Variants in BRD10 observed in about 807,000 individuals in gnomAD.
The protein encoded by BRD10 is bromodomain containing 10, also known as uncharacterized bromodomain-containing protein 10.
the BRD10 span, chr9:5,921,868 G>T: frequency 6.2e-7 from 1 of 1,613,990 alleles, no homozygotes; most frequent in Non-Finnish European, 8.5e-7. Context: ...CACTGCCAGT[G>T]GTGTGGCCTA....
chr9:5,891,551 T>C, the BRD10 span, among the ~76,000 whole-genome samples: 1 of 152,136 alleles, frequency 6.6e-6, no homozygotes, highest in Non-Finnish European at 1.5e-5. Flanking sequence ...TATAATTCTA[T>C]GGGGATCACA....
chr9:5,974,494 G>T, the BRD10 span, among the ~76,000 whole-genome samples: 6 of 152,268 alleles, frequency 3.9e-5, no homozygotes, highest in East Asian at 1.2e-3. Flanking sequence ...AAAGAGATGA[G>T]GTGAGCCCAA....
At chr9:5,925,052 G>A in the BRD10 span, among the ~76,000 whole-genome samples, 1 of 152,022 alleles carries the variant, frequency 6.6e-6, no homozygotes, top group East Asian at 1.9e-4. Flanking sequence ...TAAGAAACTT[G>A]AAACTTAAAA....
chr9:5,969,339 T>C, the BRD10 span: 4 of 1,613,202 alleles, frequency 2.5e-6, no homozygotes, highest in Non-Finnish European at 3.4e-6. Context: ...ATGGTCTCCA[T>C]ACAAGTTGGA....
At chr9:5,927,882 T>C in the BRD10 span, among the ~76,000 whole-genome samples, 2 of 152,184 alleles carry the variant, frequency 1.3e-5, no homozygotes, top group African/African-American at 4.8e-5. Flanking sequence ...CTACCAGCCT[T>C]ATGTCTTTAA....
the BRD10 span, among the ~76,000 whole-genome samples, chr9:5,893,130 G>T: frequency 6.6e-6 from 1 of 152,170 alleles, no homozygotes; most frequent in African/African-American, 2.4e-5. Flanking sequence ...GTATACTGGC[G>T]TGAGACACTG....
chr9:5,991,177 T>C, the BRD10 span, among the ~76,000 whole-genome samples: 6 of 36,924 alleles, frequency 1.6e-4, no homozygotes. Context: ...TGTGTGTGTG[T>C]GTGTATATAT....
chr9:5,906,407 T>C, the BRD10 span, among the ~76,000 whole-genome samples: 1 of 152,182 alleles, frequency 6.6e-6, no homozygotes, highest in African/African-American at 2.4e-5. Flanking sequence ...TTGGATGTTC[T>C]TCCTTTATGT....
the BRD10 span, chr9:6,007,766 C>T: frequency 2.6e-6 from 4 of 1,567,410 alleles, no homozygotes; most frequent in Non-Finnish European, 2.6e-6. Flanking sequence ...TCCATCGCTC[C>T]CGGCGTCCCG....
the BRD10 span, among the ~76,000 whole-genome samples, chr9:5,904,271 T>C: frequency 6.6e-6 from 1 of 152,248 alleles, no homozygotes. Flanking sequence ...AATCTGTCTT[T>C]TAATTGGTGC....
At chr9:5,969,268 T>C in the BRD10 span, 11,782 of 1,613,912 alleles carry the variant, frequency 7.3e-3, 63 homozygotes, top group East Asian at 0.011. Flanking sequence ...AGACTATTTC[T>C]GGCAAATTTA....
chr9:5,906,906 A>C, the BRD10 span: 2 of 1,585,522 alleles, frequency 1.3e-6, no homozygotes, highest in Non-Finnish European at 1.7e-6. Flanking sequence ...TCATGTTGGC[A>C]CTCAATGTGC....
At chr9:6,003,007 A>C in the BRD10 span, among the ~76,000 whole-genome samples, 1 of 152,176 alleles carries the variant, frequency 6.6e-6, no homozygotes, top group African/African-American at 2.4e-5. Context: ...CTCTTACCCC[A>C]ATCCAAAAAA....
chr9:6,000,668 T>C, the BRD10 span, among the ~76,000 whole-genome samples: 6 of 128,178 alleles, frequency 4.7e-5, no homozygotes, highest in African/African-American at 1.5e-4. Context: ...TCTTTTTAAA[T>C]AATAGTCTGT....
chr9:5,907,562 A>T, the BRD10 span, among the ~76,000 whole-genome samples: 1 of 152,236 alleles, frequency 6.6e-6, no homozygotes, highest in Non-Finnish European at 1.5e-5. Context: ...ATATTGATTC[A>T]CCTTGAAATA....
chr9:5,924,440 G>T, the BRD10 span, among the ~76,000 whole-genome samples: 12 of 152,026 alleles, frequency 7.9e-5, no homozygotes, highest in Non-Finnish European at 1.3e-4. Context: ...CACCATGCCT[G>T]GCTAATTTTT....
At chr9:5,938,022 C>G in the BRD10 span, among the ~76,000 whole-genome samples, 1 of 152,106 alleles carries the variant, frequency 6.6e-6, no homozygotes, top group East Asian at 1.9e-4. Flanking sequence ...ATTTGCCCTT[C>G]TACCCTACTC....
chr9:5,920,645 G>A, the BRD10 span: 29 of 1,613,898 alleles, frequency 1.8e-5, no homozygotes, highest in African/African-American at 3.7e-4. Flanking sequence ...CTGGAGTGAA[G>A]TCCGAGATTG....
At chr9:5,986,982 T>A in the BRD10 span, among the ~76,000 whole-genome samples, 1 of 152,202 alleles carries the variant, frequency 6.6e-6, no homozygotes. Flanking sequence ...CAAAAAATGG[T>A]ATACTGCTTA....
Sources: gnomAD v4.1 joint callset for allele counts (sites outside exome capture counted in the v4.1 genomes callset) on GRCh38, gnomAD v4.1.1 for gene constraint, MANE v1.5 for transcripts, NCBI Gene and HGNC (gene_info 2026-07-23, HGNC 2026-07-21) for gene names.